The following ATP10B variants were observed in gnomAD, a reference collection of about 807,000 sequenced individuals.
ATP10B encodes ATPase phospholipid transporting 10B (putative), also known as phospholipid-transporting ATPase VB.
In ATP10B, 122 loss-of-function variants were observed where a neutral mutation model predicts 141.2. The ratio of observed to expected loss-of-function variants is 0.86; its 90% CI spans 0.75 to 1.00. The LOEUF (loss-of-function observed/expected upper bound fraction) is 1.00, where lower values mean the gene tolerates loss of function less well. ATP10B is among the 50% of genes least tolerant of loss of function. ATP10B has a pLI of 0.00. For missense variants in ATP10B, 1,876 were observed against 1,825.3 expected (o/e 1.03, Z -0.51); for synonymous variants, 685 against 692.0 (o/e 0.99, Z 0.16).
intron 1 of ATP10B, among the ~76,000 whole-genome samples, chr5:160,843,754 G>T (rs1775945676): frequency 1.3e-5 from 2 of 152,064 alleles, no homozygotes; most frequent in Non-Finnish European, 2.9e-5. Context: ...TTTTGAAGGG[G>T]CAATTCAAGA....
chr5:160,754,316 G>C (rs1768361568), intron 2 of ATP10B, among the ~76,000 whole-genome samples: 1 of 152,094 alleles, frequency 6.6e-6, no homozygotes, highest in African/African-American at 2.4e-5. Flanking sequence ...AGACTTTCTG[G>C]GAAATAAATC....
the ATP10B span, among the ~76,000 whole-genome samples, chr5:160,867,451 T>A: frequency 6.6e-5 from 10 of 152,262 alleles, no homozygotes; most frequent in East Asian, 1.9e-3. Context: ...ATGTGAGGCA[T>A]CACTTTTATT....
chr5:160,764,740 A>G (rs1028630439), intron 2 of ATP10B, among the ~76,000 whole-genome samples: 2 of 152,196 alleles, frequency 1.3e-5, no homozygotes, highest in African/African-American at 4.8e-5. Flanking sequence ...AAAGAGATAA[A>G]GGGCATCCAC....
At chr5:160,796,497 GC>G (rs1252634670) in intron 1 of ATP10B, among the ~76,000 whole-genome samples, 2 of 152,138 alleles carry the variant, frequency 1.3e-5, no homozygotes, top group African/African-American at 4.8e-5. Context: ...CAAAAATAGT[GC>G]CTTCTAAATG....
the ATP10B span, among the ~76,000 whole-genome samples, chr5:160,894,283 T>C: frequency 7.4e-4 from 112 of 152,076 alleles, no homozygotes; most frequent in South Asian, 0.019. Flanking sequence ...TCTAGCCCAA[T>C]GCAAGGAAGC....
At chr5:160,725,586 C>T (rs1174031364) in intron 2 of ATP10B, among the ~76,000 whole-genome samples, 2 of 152,154 alleles carry the variant, frequency 1.3e-5, no homozygotes, top group African/African-American at 2.4e-5. Flanking sequence ...GCTGGGACTA[C>T]AGGCGCCCGC....
the ATP10B span, among the ~76,000 whole-genome samples, chr5:160,908,809 T>C: frequency 2.0e-5 from 3 of 152,184 alleles, no homozygotes; most frequent in Non-Finnish European, 2.9e-5. Flanking sequence ...TAGCAGGCTA[T>C]ACAGTTTGAT....
intron 24 of ATP10B, among the ~76,000 whole-genome samples, chr5:160,584,423 C>A (rs1755755577): frequency 6.6e-6 from 1 of 152,178 alleles, no homozygotes; most frequent in Admixed American, 6.5e-5. Flanking sequence ...GCGGAAATCA[C>A]CCACCTTCTG....
rs1483183077 is a variant in ATP10B, at chr5:160,594,664, C to T, written c.3565-3525G>A. Among the ~76,000 whole-genome samples, 9 of 151,190 alleles carry T rather than the reference C, an allele frequency of 6.0e-5. No individual in the cohort carries two copies. The East Asian group carries it at 1.7e-3, about 29-fold the overall frequency. On this transcript the variant is annotated intron_variant, in intron 22 of 25. Coordinates refer to ENST00000327245, the MANE Select transcript of ATP10B (RefSeq NM_025153.3). ...AACCCATCTCATGTGCAGAGACACACATAGGTTCAAAATAAAAGGATGGAG... is the reference window on the plus strand; with the variant it reads ...AACCCATCTCATGTGCAGAGACACATATAGGTTCAAAATAAAAGGATGGAG...
the ATP10B span, among the ~76,000 whole-genome samples, chr5:160,867,201 C>CATATAT: frequency 3.4e-3 from 518 of 150,480 alleles, 9 homozygotes; most frequent in East Asian, 0.018. Context: ...CATATATATG[C>CATATAT]ATATATATAT....
chr5:160,667,224 A>G (rs533140903), intron 7 of ATP10B, among the ~76,000 whole-genome samples: 1 of 152,086 alleles, frequency 6.6e-6, no homozygotes, highest in East Asian at 1.9e-4. Flanking sequence ...TCTCAAAACA[A>G]AAACAAAAAA....
At chr5:160,921,328 A>C in the ATP10B span, among the ~76,000 whole-genome samples, 2 of 152,128 alleles carry the variant, frequency 1.3e-5, no homozygotes, top group Non-Finnish European at 2.9e-5. Context: ...ATTGTACATA[A>C]AGAACTGCCT....
chr5:160,588,844 C>A lies in ATP10B; in HGVS notation c.3750+748G>T, dbSNP rs1756086126. 2.6e-5 allele frequency among the ~76,000 whole-genome samples: 4 copies of A among 152,038 alleles called. No homozygotes were observed. The South Asian group carries it at 8.3e-4, about 32-fold the overall frequency. On this transcript the variant is annotated intron_variant, in intron 24 of 25. Transcript: ENST00000327245. ...AAATCTAATCAGAAAGGTGACATTG[C>A]CTTCTTAGATATCAAAATGTGACAT...
intron 2 of ATP10B, among the ~76,000 whole-genome samples, chr5:160,775,764 T>C (rs1770261837): frequency 6.9e-6 from 1 of 145,770 alleles, no homozygotes. Flanking sequence ...CGCTGCAAGC[T>C]CCGCCTCCTG....
the ATP10B span, among the ~76,000 whole-genome samples, chr5:160,873,078 C>CG: frequency 1.4e-5 from 2 of 146,948 alleles, no homozygotes; most frequent in Non-Finnish European, 3.0e-5. Flanking sequence ...TTTCTTGTAG[C>CG]GGTCTTTTGT....
At chr5:160,770,837 A>T (rs1006104504) in intron 2 of ATP10B, among the ~76,000 whole-genome samples, 1 of 152,236 alleles carries the variant, frequency 6.6e-6, no homozygotes, top group African/African-American at 2.4e-5. Flanking sequence ...TACTGAATAG[A>T]TGGTATGCAA....
At chr5:160,806,610 A>C (rs776118122) in intron 1 of ATP10B, among the ~76,000 whole-genome samples, 1 of 152,232 alleles carries the variant, frequency 6.6e-6, no homozygotes, top group Admixed American at 6.5e-5. Context: ...TAATGATGAT[A>C]GGAACAACAA....
intron 7 of ATP10B, among the ~76,000 whole-genome samples, chr5:160,663,642 G>T (rs1762114775): frequency 6.8e-6 from 1 of 147,476 alleles, no homozygotes; most frequent in Non-Finnish European, 1.5e-5. Flanking sequence ...CCTGTTGTGG[G>T]GTGGGGAGAG....
intron 1 of ATP10B, among the ~76,000 whole-genome samples, chr5:160,817,205 G>A (rs1306649153): frequency 1.3e-5 from 2 of 152,210 alleles, no homozygotes. Context: ...AAAAGAGGAA[G>A]TCAAATGGTC....
Sources: allele counts gnomAD v4.1 joint callset (sites outside exome capture counted in the v4.1 genomes callset), GRCh38; gene constraint gnomAD v4.1.1; transcripts MANE v1.5; gene names NCBI Gene and HGNC (gene_info 2026-07-23, HGNC 2026-07-21).